The following GPC5 variants were observed in gnomAD, a reference collection of about 807,000 sequenced individuals.
GPC5 encodes glypican 5, also known as glypican-5.
GPC5 carries 47 observed loss-of-function variants against 53.9 expected under a neutral mutation model. The observed-to-expected ratio is 0.87, with a 90% confidence interval of 0.69 to 1.11. The LOEUF (loss-of-function observed/expected upper bound fraction) is 1.11. GPC5 is among the 50% of genes most tolerant of loss of function. The pLI is 0.00. For missense variants in GPC5, 748 were observed against 713.1 expected (o/e 1.05, Z -0.56); for synonymous variants, 286 against 263.3 (o/e 1.09, Z -0.84).
intron 7 of GPC5, among the ~76,000 whole-genome samples, chr13:92,492,893 C>T (rs1292779034): frequency 6.6e-6 from 1 of 152,132 alleles, no homozygotes; most frequent in African/African-American, 2.4e-5. Context: ...GACTTCTTAT[C>T]AGGAAGATGG....
At chr13:92,556,382 A>G (rs1349100423) in intron 7 of GPC5, among the ~76,000 whole-genome samples, 3 of 151,848 alleles carry the variant, frequency 2.0e-5, no homozygotes, top group Non-Finnish European at 4.4e-5. Flanking sequence ...ACATTTTTCT[A>G]CTAGAGTACT....
intron 7 of GPC5, among the ~76,000 whole-genome samples, chr13:92,770,659 T>G (rs902111249): frequency 2.0e-5 from 3 of 152,194 alleles, no homozygotes; most frequent in Admixed American, 2.0e-4. Flanking sequence ...AAAACATCTT[T>G]GTCATCTTGT....
At chr13:91,568,942 G>A (rs751207771) in intron 2 of GPC5, among the ~76,000 whole-genome samples, 1 of 151,696 alleles carries the variant, frequency 6.6e-6, no homozygotes, top group Non-Finnish European at 1.5e-5. Flanking sequence ...GTAGAAACAG[G>A]GTTTTACCAT....
chr13:92,284,825 C>T (rs1399911485), intron 7 of GPC5, among the ~76,000 whole-genome samples: 1 of 152,072 alleles, frequency 6.6e-6, no homozygotes, highest in African/African-American at 2.4e-5. Flanking sequence ...CCTTTGAAAC[C>T]CGGCACAAGA....
chr13:91,856,066 A>G (rs1333357052), intron 5 of GPC5, among the ~76,000 whole-genome samples: 2 of 151,204 alleles, frequency 1.3e-5, no homozygotes, highest in African/African-American at 4.8e-5. Flanking sequence ...GTGTGTCACT[A>G]TTTTTGTTTT....
intron 7 of GPC5, among the ~76,000 whole-genome samples, chr13:92,765,977 G>C (rs1875390883): frequency 1.3e-5 from 2 of 152,046 alleles, no homozygotes; most frequent in Non-Finnish European, 2.9e-5. Flanking sequence ...AAGGCAGATA[G>C]GCTTTGCTGA....
intron 2 of GPC5, among the ~76,000 whole-genome samples, chr13:91,558,523 A>G (rs1484987613): frequency 6.6e-6 from 1 of 152,086 alleles, no homozygotes; most frequent in Non-Finnish European, 1.5e-5. Context: ...GGGACATTGC[A>G]GGAAGAAGGG....
rs755322517 is a variant in GPC5, at chr13:92,306,842, C to T, written c.1561+161853C>T. Among the ~76,000 whole-genome samples the T allele has an allele frequency of 1.1e-3, 166 of 152,150 alleles. 4 individuals are homozygous for T. The highest frequency in any genetic ancestry group is 3.7e-4 in the Non-Finnish European group (25 of 68,024). On this transcript the variant is annotated intron_variant, in intron 7 of 7. Coordinates refer to ENST00000377067, the MANE Select transcript of GPC5 (RefSeq NM_004466.6). Reference sequence around the variant, plus strand: ...AAAAGAAGGGTCCACCTTTAGTTGGCAAATTACGTTGCATAGGCACTGAGT... The same window carrying T: ...AAAAGAAGGGTCCACCTTTAGTTGGTAAATTACGTTGCATAGGCACTGAGT...
chr13:92,255,447 G>A (rs1379589374), intron 7 of GPC5, among the ~76,000 whole-genome samples: 1 of 151,696 alleles, frequency 6.6e-6, no homozygotes, highest in Admixed American at 6.6e-5. Flanking sequence ...TTTTACATGG[G>A]GATAACTTTG....
At chr13:91,459,347 TAATCTATCA>T (rs1881779698) in intron 2 of GPC5, among the ~76,000 whole-genome samples, 1 of 152,106 alleles carries the variant, frequency 6.6e-6, no homozygotes, top group Admixed American at 6.6e-5. Flanking sequence ...TCTAGTTGTC[TAATCTATCA>T]TAGCCTACAG....
chr13:91,613,703 C>A (rs2033621454), intron 2 of GPC5, among the ~76,000 whole-genome samples: 1 of 152,122 alleles, frequency 6.6e-6, no homozygotes, highest in Non-Finnish European at 1.5e-5. Context: ...GTATATTGAC[C>A]TGCAGCACCT....
Position 92,206,488 on chromosome 13 carries a change from C to G in GPC5, c.1561+61499C>G, listed in dbSNP as rs140353071. 9.5e-4 allele frequency among the ~76,000 whole-genome samples: 145 copies of G among 151,966 alleles called. 2 individuals carry two copies. The East Asian group carries it at 0.027, about 29-fold the overall frequency. On this transcript the variant is annotated intron_variant, in intron 7 of 7. Coordinates refer to ENST00000377067, the MANE Select transcript of GPC5 (RefSeq NM_004466.6). ...GAATGCAGCCACCGCACCCGGCTGT[C>G]ATGCCATGTATTTTTATGTTTTGTT...
chr13:92,239,426 T>C (rs1335638780), intron 7 of GPC5, among the ~76,000 whole-genome samples: 1 of 152,034 alleles, frequency 6.6e-6, no homozygotes, highest in East Asian at 1.9e-4. Context: ...ACCCGCACAA[T>C]TCTTATAACT....
chr13:91,571,768 T>TATACACACATATAC (rs2031798462), intron 2 of GPC5, among the ~76,000 whole-genome samples: 1 of 147,100 alleles, frequency 6.8e-6, no homozygotes, highest in African/African-American at 2.5e-5. Flanking sequence ...CATGTGTATG[T>TATACACACATATAC]GTATATACAC....
intron 7 of GPC5, among the ~76,000 whole-genome samples, chr13:92,791,668 G>A (rs1876468357): frequency 6.6e-6 from 1 of 151,874 alleles, no homozygotes; most frequent in Admixed American, 6.6e-5. Flanking sequence ...ATGATCTGTG[G>A]TTACAGTTAC....
chr13:92,416,226 T>C (rs1386580911), intron 7 of GPC5, among the ~76,000 whole-genome samples: 2 of 152,222 alleles, frequency 1.3e-5, no homozygotes, highest in Non-Finnish European at 2.9e-5. Context: ...AACTTATTTA[T>C]GATGACTCTT....
chr13:92,386,361 T>C (rs779315995), intron 7 of GPC5, among the ~76,000 whole-genome samples: 3 of 152,002 alleles, frequency 2.0e-5, no homozygotes, highest in Non-Finnish European at 4.4e-5. Context: ...CATAACTTCA[T>C]AGATAATAAT....
intron 7 of GPC5, among the ~76,000 whole-genome samples, chr13:92,558,402 A>C (rs1161875630): frequency 6.6e-6 from 1 of 152,060 alleles, no homozygotes; most frequent in Non-Finnish European, 1.5e-5. Context: ...TTTTTGCAAA[A>C]AGTTACACAA....
intron 2 of GPC5, among the ~76,000 whole-genome samples, chr13:91,571,828 T>C (rs370352773): frequency 0.013 from 847 of 64,770 alleles, 132 homozygotes; most frequent in African/African-American, 0.05. Context: ...TGTGTATATA[T>C]ACACATATAC....
Sources: allele counts gnomAD v4.1 joint callset (sites outside exome capture counted in the v4.1 genomes callset), GRCh38; gene constraint gnomAD v4.1.1; transcripts MANE v1.5; gene names NCBI Gene and HGNC (gene_info 2026-07-23, HGNC 2026-07-21).